The following RPS6KA2 variants were observed in gnomAD, a reference collection of about 807,000 sequenced individuals.
The protein encoded by RPS6KA2 is ribosomal protein S6 kinase alpha-2.
A neutral mutation model predicts 91.8 loss-of-function variants in RPS6KA2; 42 were observed. The ratio of observed to expected loss-of-function variants is 0.46; its 90% CI spans 0.36 to 0.59. The LOEUF (loss-of-function observed/expected upper bound fraction) is 0.59, where lower values mean the gene tolerates loss of function less well. Among genes scored for constraint, RPS6KA2 ranks in the 20% least tolerant of loss-of-function variants. RPS6KA2 has a pLI of 0.00. For missense variants in RPS6KA2, 798 were observed against 978.5 expected, an observed-to-expected ratio of 0.82 and a Z score of 2.46; for synonymous variants, 414 against 393.6, an observed-to-expected ratio of 1.05 and a Z score of -0.61.
At chr6:166,781,978 C>T (rs1778785344) in intron 2 of RPS6KA2, among the ~76,000 whole-genome samples, 1 of 152,158 alleles carries the variant, frequency 6.6e-6, no homozygotes, top group South Asian at 2.1e-4. Flanking sequence ...CTGGACAGCC[C>T]AAGTTATGAC....
At chr6:166,625,316 T>TCCCCCCC (rs1378588501) in intron 1 of RPS6KA2, among the ~76,000 whole-genome samples, 2 of 73,602 alleles carry the variant, frequency 2.7e-5, no homozygotes, top group African/African-American at 1.6e-4. Context: ...CGTTTCCTAT[T>TCCCCCCC]CCCACCACCC....
intron 14 of RPS6KA2, chr6:166,440,452 C>T (rs1009815915): frequency 1.3e-5 from 2 of 152,202 alleles, no homozygotes; most frequent in Non-Finnish European, 2.9e-5. Flanking sequence ...TTTACATAAA[C>T]ATGTTCATTA....
chr6:166,425,858 C>CT lies in RPS6KA2; in HGVS notation c.1582-2442dup, dbSNP rs1778897439. Among the ~76,000 whole-genome samples, 4 of 152,268 alleles carry CT rather than the reference C, an allele frequency of 2.6e-5. No homozygotes were observed. The South Asian group carries it at 8.3e-4, about 32-fold the overall frequency. ...ACTCCCACACAATAATAATGGGAGACTTTAACACCCCACTGTCAACATTAG... is the reference window on the plus strand; with the variant it reads ...ACTCCCACACAATAATAATGGGAGACTTTTAACACCCCACTGTCAACATTAG... On this transcript the variant is annotated intron_variant, in intron 16 of 20. Coordinates refer to ENST00000265678, the MANE Select transcript of RPS6KA2 (RefSeq NM_021135.6).
intron 2 of RPS6KA2, among the ~76,000 whole-genome samples, chr6:166,739,482 C>A (rs1051477137): frequency 2.0e-5 from 3 of 152,220 alleles, no homozygotes; most frequent in Non-Finnish European, 4.4e-5. Context: ...AAATCCGGGC[C>A]CTGGCGTTTC....
At chr6:166,758,340 G>A (rs928795301) in intron 2 of RPS6KA2, among the ~76,000 whole-genome samples, 1 of 152,140 alleles carries the variant, frequency 6.6e-6, no homozygotes, top group African/African-American at 2.4e-5. Context: ...AGCTTTTCCC[G>A]GGCTAACTCG....
rs1778602467 is a variant in RPS6KA2, at chr6:166,418,149, C to G, written c.1938+76G>C. 2 of 988,094 alleles carry G rather than the reference C, an allele frequency of 2.0e-6. No homozygotes were observed. Among genetic ancestry groups the G allele is most frequent in the Non-Finnish European group, 3.2e-6 (2 of 634,854 alleles). The allele number at this position is 988,094 out of a possible 1,614,324, so 61.2% of individuals were successfully genotyped here. On this transcript the variant is annotated intron_variant, in intron 19 of 20. Transcript: ENST00000265678. The surrounding 1 kb of genome is among the most constrained non-coding windows in gnomAD (Gnocchi z 4.9). ...CCTATACTACTTACATAAAACCTAT[C>G]CCCTGGCTTCCTCAGAAATCATATG...
chr6:166,592,329 G>A (rs1296624387), intron 1 of RPS6KA2, among the ~76,000 whole-genome samples: 4 of 152,214 alleles, frequency 2.6e-5, no homozygotes, highest in Admixed American at 6.5e-5. Flanking sequence ...AGAGGGCCCC[G>A]GTGTGGTGCT....
At chr6:166,588,837 C>T (rs1454158350) in intron 1 of RPS6KA2, among the ~76,000 whole-genome samples, 3 of 151,542 alleles carry the variant, frequency 2.0e-5, no homozygotes, top group Non-Finnish European at 2.9e-5. Context: ...CCTCCGTGCT[C>T]ACTGTCAACC....
chr6:166,614,808 A>G (rs1583328645), intron 1 of RPS6KA2, among the ~76,000 whole-genome samples: 1 of 152,110 alleles, frequency 6.6e-6, no homozygotes, highest in Admixed American at 6.5e-5. Flanking sequence ...CGCTTCTGCA[A>G]TCAGACCTCC....
intron 2 of RPS6KA2, among the ~76,000 whole-genome samples, chr6:166,829,213 G>A (rs1460692439): frequency 5.3e-5 from 8 of 152,206 alleles, no homozygotes; most frequent in African/African-American, 1.9e-4. Flanking sequence ...TGGAGAAACT[G>A]AAACCTTTGT....
chr6:166,471,136 T>G (rs1259677732), intron 10 of RPS6KA2, among the ~76,000 whole-genome samples: 1 of 152,230 alleles, frequency 6.6e-6, no homozygotes, highest in Non-Finnish European at 1.5e-5. Context: ...GTGCCATGTA[T>G]GCCCCTTCGT....
intron 2 of RPS6KA2, among the ~76,000 whole-genome samples, chr6:166,843,040 G>C (rs772011875): frequency 5.3e-5 from 8 of 152,164 alleles, no homozygotes; most frequent in Non-Finnish European, 8.8e-5. Flanking sequence ...GTGCTGTTGG[G>C]GGCACAGTGG....
intron 2 of RPS6KA2, among the ~76,000 whole-genome samples, chr6:166,644,816 G>A (rs961511433): frequency 3.3e-5 from 5 of 152,128 alleles, no homozygotes; most frequent in Non-Finnish European, 7.4e-5. Context: ...TTAACATGAG[G>A]TCATAATTGG....
In RPS6KA2 at chr6:166,410,786, C is replaced by G. The variant is rs533143514; in HGVS notation, c.*1976G>C. 33 of 152,132 alleles carry G rather than the reference C, an allele frequency of 2.2e-4. No homozygotes were observed. The highest frequency in any genetic ancestry group is 7.7e-4 in the African/African-American group (32 of 41,508). The allele number at this position is 152,132 out of a possible 1,614,324, so 9.4% of individuals were successfully genotyped here. A position where few individuals can be genotyped will look rare whatever the true frequency, so the allele number is the denominator to read the frequency against. On this transcript the variant is annotated 3_prime_UTR_variant, in exon 21 of 21. Transcript: ENST00000265678. ...CACTGACTTTAAGCAAACAGACAGG[C>G]CTGCACACCAAGCCAGGCCAAAGGG...
intron 2 of RPS6KA2, among the ~76,000 whole-genome samples, chr6:166,846,110 G>A (rs186095617): frequency 8.2e-4 from 125 of 152,110 alleles, no homozygotes; most frequent in African/African-American, 2.8e-3. Context: ...AAAATCTAGA[G>A]GAGATGGATA....
rs114049042 is a variant in RPS6KA2, at chr6:166,424,819, A to C, written c.1582-1402T>G. Reference sequence around the variant, plus strand: ...TCTTTACCCGTTGCAAGTAACGAAAATTCTTAATTTCTTTTGATTAAGGCC... The same window carrying C: ...TCTTTACCCGTTGCAAGTAACGAAACTTCTTAATTTCTTTTGATTAAGGCC... On this transcript the variant is annotated intron_variant, in intron 16 of 20. Transcript: ENST00000265678. Among the ~76,000 whole-genome samples, 1,022 of 152,328 alleles carry C rather than the reference A, an allele frequency of 6.7e-3. 9 individuals carry two copies. The highest frequency in any genetic ancestry group is 0.022 in the African/African-American group (910 of 41,578).
chr6:166,417,801 C>T (rs1301117142), intron 19 of RPS6KA2, among the ~76,000 whole-genome samples: 1 of 152,094 alleles, frequency 6.6e-6, no homozygotes, highest in Non-Finnish European at 1.5e-5. Flanking sequence ...TGTGGTGGCT[C>T]ATACCTGTAA....
chr6:166,808,418 T>C (rs1779546941), intron 2 of RPS6KA2, among the ~76,000 whole-genome samples: 1 of 152,334 alleles, frequency 6.6e-6, no homozygotes, highest in Non-Finnish European at 1.5e-5. Context: ...CAATTGATTA[T>C]TATTACTGTT....
intron 5 of RPS6KA2, among the ~76,000 whole-genome samples, chr6:166,504,901 C>T (rs530660678): frequency 6.6e-6 from 1 of 152,156 alleles, no homozygotes; most frequent in African/African-American, 2.4e-5. Flanking sequence ...GTCCTTCTCA[C>T]CCCTGCAAAT....
Sources: gnomAD v4.1 joint callset for allele counts (sites outside exome capture counted in the v4.1 genomes callset) on GRCh38, gnomAD v4.1.1 for gene constraint, Gnocchi (gnomAD v3.1) non-coding constraint, MANE v1.5 for transcripts, NCBI Gene and HGNC (gene_info 2026-07-23, HGNC 2026-07-21) for gene names.